The following IFT88 variants were observed in gnomAD, a reference collection of about 807,000 sequenced individuals.
IFT88 encodes the protein intraflagellar transport protein 88 homolog.
A neutral mutation model predicts 119.5 loss-of-function variants in IFT88; 74 were observed. The observed-to-expected ratio is 0.62, with a 90% CI of 0.51 to 0.75. The LOEUF (loss-of-function observed/expected upper bound fraction) is 0.75. Among genes scored for constraint, IFT88 ranks in the 30% least tolerant of loss-of-function variants. IFT88 has a pLI of 0.00. For missense variants in IFT88, 961 were observed against 977.7 expected, an observed-to-expected ratio of 0.98 and a Z score of 0.23; for synonymous variants, 279 against 316.7, an observed-to-expected ratio of 0.88 and a Z score of 1.26.
intron 13 of IFT88, chr13:20,612,161 A>G (rs2139529624): frequency 6.6e-6 from 1 of 151,928 alleles, no homozygotes; most frequent in South Asian, 2.1e-4. Context: ...AAATATATTA[A>G]TATCTTCTCA....
chr13:20,650,448 A>G (rs1424012810), intron 20 of IFT88, among the ~76,000 whole-genome samples: 1 of 152,200 alleles, frequency 6.6e-6, no homozygotes, highest in African/African-American at 2.4e-5. Context: ...TACTCCAATC[A>G]GGAATAGAAA....
chr13:20,689,052 G>A (rs982410022), intron 24 of IFT88, among the ~76,000 whole-genome samples: 2 of 152,136 alleles, frequency 1.3e-5, no homozygotes, highest in South Asian at 4.1e-4. Context: ...TTCTGCCTCA[G>A]CCTCCTGAGT....
At chr13:20,595,465 T>G (rs894571915) in intron 7 of IFT88, among the ~76,000 whole-genome samples, 1 of 151,672 alleles carries the variant, frequency 6.6e-6, no homozygotes, top group Non-Finnish European at 1.5e-5. Context: ...AATTTTTGTA[T>G]TTTTAGTAGA....
chr13:20,598,633 TA>T lies in IFT88; in HGVS notation c.595-16del. On this transcript the variant is annotated splice_polypyrimidine_tract_variant and intron_variant, in intron 9 of 25. Coordinates refer to ENST00000351808, the MANE Select transcript of IFT88 (RefSeq NM_006531.5). ...AAAGTGGTCTTATGTGTCTTTTCTATAATATTTTCTTCCTTAGGTTCTTTTC... is the reference window on the plus strand; with the variant it reads ...AAAGTGGTCTTATGTGTCTTTTCTATATATTTTCTTCCTTAGGTTCTTTTC... The T allele has an allele frequency of 6.6e-7, 1 of 1,525,540 alleles. No individual in the cohort carries two copies. The highest frequency in any genetic ancestry group is 9.1e-7 in the Non-Finnish European group (1 of 1,101,290). 94.5% of individuals were successfully genotyped at this position (1,525,540 alleles called of 1,614,324 possible).
chr13:20,607,628 T>C, intron 13 of IFT88: 3 of 854,782 alleles, frequency 3.5e-6, no homozygotes, highest in Non-Finnish European at 6.1e-6. Flanking sequence ...ACGCTGTTTT[T>C]TTATGATCCC....
At chr13:20,629,663 GC>G (rs2047897310) in intron 15 of IFT88, among the ~76,000 whole-genome samples, 1 of 152,158 alleles carries the variant, frequency 6.6e-6, no homozygotes, top group Non-Finnish European at 1.5e-5. Context: ...GAGTCAGTTT[GC>G]CTACTGGTAT....
chr13:20,583,159 C>T, intron 3 of IFT88, 140 bp downstream of exon 3: 1 of 529,472 alleles, frequency 1.9e-6, no homozygotes, highest in South Asian at 3.2e-5. Flanking sequence ...TGAAACAGAT[C>T]TTCAGAAGTT....
intron 22 of IFT88, among the ~76,000 whole-genome samples, chr13:20,661,145 A>G (rs1017197221): frequency 6.6e-6 from 1 of 152,216 alleles, no homozygotes; most frequent in Non-Finnish European, 1.5e-5. Flanking sequence ...GAGATAACTG[A>G]AAAATGTGCA....
chr13:20,587,457 C>T (rs1452340284), intron 3 of IFT88, among the ~76,000 whole-genome samples: 1 of 152,044 alleles, frequency 6.6e-6, no homozygotes, highest in Non-Finnish European at 1.5e-5. Flanking sequence ...GGAGTTTCAC[C>T]ATGTTAGTCA....
chr13:20,663,708 G>T, intron 23 of IFT88, 104 bp downstream of exon 23: 1 of 812,612 alleles, frequency 1.2e-6, no homozygotes. Context: ...AAACAGAGTT[G>T]AAATTTTTTT....
chr13:20,644,717 A>C, intron 19 of IFT88, 126 bp from the exon 20 acceptor site: 1 of 518,996 alleles, frequency 1.9e-6, no homozygotes, highest in Non-Finnish European at 3.4e-6. Flanking sequence ...AGTACTTAGG[A>C]CAGTTCATAC....
At chr13:20,584,747 G>A (rs2039337484) in intron 3 of IFT88, among the ~76,000 whole-genome samples, 1 of 152,130 alleles carries the variant, frequency 6.6e-6, no homozygotes, top group Non-Finnish European at 1.5e-5. Context: ...TATCCCTAAT[G>A]TTCTATGTCT....
At chr13:20,669,335 A>G (rs780024626) in intron 23 of IFT88, among the ~76,000 whole-genome samples, 5 of 152,210 alleles carry the variant, frequency 3.3e-5, no homozygotes, top group Non-Finnish European at 7.3e-5. Flanking sequence ...CTGAACCTCT[A>G]GTCACTTAAA....
intron 24 of IFT88, among the ~76,000 whole-genome samples, chr13:20,675,088 T>C (rs2056492635): frequency 6.6e-6 from 1 of 152,002 alleles, no homozygotes; most frequent in Non-Finnish European, 1.5e-5. Flanking sequence ...TGGGGCCTGA[T>C]GGTGTCACAA....
chr13:20,666,440 C>T (rs1243628453), intron 23 of IFT88, among the ~76,000 whole-genome samples: 1 of 152,188 alleles, frequency 6.6e-6, no homozygotes, highest in Non-Finnish European at 1.5e-5. Context: ...TCAGTGGTTT[C>T]CAGACCCCAC....
chr13:20,614,195 G>A (rs1457103458), intron 13 of IFT88, among the ~76,000 whole-genome samples: 3 of 152,152 alleles, frequency 2.0e-5, no homozygotes, highest in African/African-American at 4.8e-5. Context: ...TTCGAAGGCT[G>A]CAAGGTTGCT....
At chr13:20,645,443 A>G (rs551789107) in intron 20 of IFT88, among the ~76,000 whole-genome samples, 1 of 152,224 alleles carries the variant, frequency 6.6e-6, no homozygotes, top group East Asian at 1.9e-4. Context: ...CTTTATTGTG[A>G]TAAATATATT....
At chr13:20,619,702 T>C (rs1201393745) in intron 14 of IFT88, among the ~76,000 whole-genome samples, 1 of 152,088 alleles carries the variant, frequency 6.6e-6, no homozygotes, top group Non-Finnish European at 1.5e-5. Flanking sequence ...GCACATCTCT[T>C]GGTGGGTGGT....
At chr13:20,640,171 A>G (rs1403533886) in intron 17 of IFT88, among the ~76,000 whole-genome samples, 11 of 152,192 alleles carry the variant, frequency 7.2e-5, no homozygotes, top group Non-Finnish European at 1.0e-4. Context: ...ACTCAAGATT[A>G]TAAATCATTT....
Sources: allele counts gnomAD v4.1 joint callset (sites outside exome capture counted in the v4.1 genomes callset), GRCh38; gene constraint gnomAD v4.1.1; transcripts MANE v1.5; gene names NCBI Gene and HGNC (gene_info 2026-07-23, HGNC 2026-07-21).